PCDHA7: variants seen among roughly 807,000 people sequenced by gnomAD.
PCDHA7 encodes protocadherin alpha 7.
In PCDHA7, 37 loss-of-function variants were observed where a neutral mutation model predicts 57.2. That is an observed-to-expected ratio of 0.65 (90% CI 0.50 to 0.85). PCDHA7 has a LOEUF of 0.85. PCDHA7 is among the 40% of genes least tolerant of loss of function. PCDHA7 has a pLI of 0.00. For missense variants in PCDHA7, 1,188 were observed against 1,241.8 expected (o/e 0.96, Z 0.65); for synonymous variants, 553 against 558.8 (o/e 0.99, Z 0.15).
At chr5:140,902,514 T>C (rs1288692863) in intron 1 of PCDHA7, among the ~76,000 whole-genome samples, 1 of 152,128 alleles carries the variant, frequency 6.6e-6, no homozygotes, top group Non-Finnish European at 1.5e-5. Flanking sequence ...CTGTCATATA[T>C]GGTTTTTATT....
chr5:140,870,229 C>G, intron 1 of PCDHA7: 3 of 1,614,164 alleles, frequency 1.9e-6, no homozygotes, highest in Non-Finnish European at 2.5e-6. Flanking sequence ...CGTGTCTGAC[C>G]GTGACTCAGG....
At chr5:140,924,894 CAAAAA>C (rs782133089) in intron 1 of PCDHA7, among the ~76,000 whole-genome samples, 149 of 71,508 alleles carry the variant, frequency 2.1e-3, no homozygotes, top group African/African-American at 5.7e-3. Context: ...GAACCTGTCT[CAAAAA>C]AAAAAATAAA....
chr5:140,857,805 C>G, intron 1 of PCDHA7: 2 of 1,597,714 alleles, frequency 1.3e-6, no homozygotes, highest in Non-Finnish European at 1.7e-6. Flanking sequence ...TCGGTGGTTG[C>G]GGGTCACGTG....
intron 1 of PCDHA7, among the ~76,000 whole-genome samples, chr5:140,896,506 A>G (rs1231827987): frequency 2.7e-5 from 4 of 150,856 alleles, no homozygotes; most frequent in African/African-American, 9.7e-5. Flanking sequence ...GGGACTGTGC[A>G]GGCACACACC....
At chr5:140,870,289 C>G in intron 1 of PCDHA7, 1 of 1,614,214 alleles carries the variant, frequency 6.2e-7, no homozygotes, top group Non-Finnish European at 8.5e-7. Flanking sequence ...TCCCTTCAAG[C>G]TGGTGTCCAC....
At chr5:140,903,302 T>C (rs1299735621) in intron 1 of PCDHA7, among the ~76,000 whole-genome samples, 2 of 152,136 alleles carry the variant, frequency 1.3e-5, no homozygotes, top group Admixed American at 6.5e-5. Flanking sequence ...AAATTTAGTA[T>C]ACAATAAAGA....
intron 1 of PCDHA7, among the ~76,000 whole-genome samples, chr5:140,878,595 A>G (rs1413193453): frequency 6.6e-6 from 1 of 152,192 alleles, no homozygotes; most frequent in East Asian, 1.9e-4. Flanking sequence ...CCTATTACCA[A>G]GTGAATCTTC....
chr5:140,980,504 C>G (rs1440940887), intron 2 of PCDHA7, among the ~76,000 whole-genome samples: 4 of 152,122 alleles, frequency 2.6e-5, no homozygotes, highest in Non-Finnish European at 5.9e-5. Flanking sequence ...ATGGCATGTG[C>G]CTGTAGTTCC....
At chr5:140,883,324 C>A (rs782213205) in intron 1 of PCDHA7, 1 of 1,614,166 alleles carries the variant, frequency 6.2e-7, no homozygotes, top group Non-Finnish European at 8.5e-7. Context: ...AGGTTACCAT[C>A]ACTTCTTTGT....
intron 1 of PCDHA7, among the ~76,000 whole-genome samples, chr5:140,913,960 TA>T (rs201352444): frequency 2.0e-5 from 3 of 152,168 alleles, no homozygotes; most frequent in Non-Finnish European, 2.9e-5. Context: ...ATATCATTTT[TA>T]AAAAAATATT....
intron 1 of PCDHA7, among the ~76,000 whole-genome samples, chr5:140,926,209 T>C (rs553307318): frequency 1.8e-3 from 269 of 152,150 alleles, no homozygotes; most frequent in African/African-American, 6.3e-3. Flanking sequence ...GGGGGGCTCC[T>C]GTTTCCTTAA....
At chr5:140,862,842 G>T (rs1554157108) in intron 1 of PCDHA7, 2 of 572,864 alleles carry the variant, frequency 3.5e-6, no homozygotes, top group Middle Eastern at 3.7e-4. Context: ...CGGGCATGCC[G>T]CCTCTGAGCA....
rs2150292750 is a variant in PCDHA7, at chr5:140,838,829, G to C, written c.2355+2091G>C. ...TTCAGCTACTCAAGAAACTGAGGTG[G>C]GAGGATCACTTAAGCCAGGGAGGTC... On this transcript the variant is annotated intron_variant, in intron 1 of 3. Coordinates refer to ENST00000525929, the MANE Select transcript of PCDHA7 (RefSeq NM_018910.3). Among the ~76,000 whole-genome samples, 185 of 151,952 alleles carry C rather than the reference G, an allele frequency of 1.2e-3. 4 individuals carry two copies. Among genetic ancestry groups the C allele is most frequent in the African/African-American group, 4.4e-3 (182 of 41,404 alleles).
rs1337537154 is a variant in PCDHA7, at chr5:140,853,299, T to G, written c.2355+16561T>G. 5.1e-6 allele frequency: 5 copies of G among 982,044 alleles called. No homozygotes were observed. In the African/African-American group the frequency reaches 7.1e-5, roughly 14 times the overall value. 60.8% of individuals were successfully genotyped at this position (982,044 alleles called of 1,614,324 possible). The stretch of plus-strand genomic sequence containing the variant: ...ATCATATGCAAATTCTCAGAAGGGC[T>G]GTGAACACCTTAGTAATAAATTTAT... On this transcript the variant is annotated intron_variant, in intron 1 of 3. Coordinates refer to ENST00000525929, the MANE Select transcript of PCDHA7 (RefSeq NM_018910.3).
At position 141,001,385 on chromosome 5, in the gene PCDHA7, T is replaced by A. The variant is rs540420313; in HGVS notation, c.2504-8242T>A. 3.9e-5 allele frequency among the ~76,000 whole-genome samples: 6 copies of A among 152,316 alleles called. No homozygotes were observed. The East Asian group carries it at 1.2e-3, about 29-fold the overall frequency. ...ACTATTCTGATTACAGAGCCTAAGA[T>A]CCTACAGAGAACAGGGAGTATATTT... On this transcript the variant is annotated intron_variant, in intron 3 of 3. Transcript: ENST00000525929.
At chr5:140,864,058 A>C (rs993804326) in intron 1 of PCDHA7, 3 of 152,692 alleles carry the variant, frequency 2.0e-5, no homozygotes, top group Non-Finnish European at 1.5e-5. Context: ...TACAGTCACC[A>C]TGAACATTCT....
intron 1 of PCDHA7, among the ~76,000 whole-genome samples, chr5:140,888,523 T>C (rs1316582829): frequency 6.6e-6 from 1 of 152,244 alleles, no homozygotes; most frequent in African/African-American, 2.4e-5. Flanking sequence ...AGTTCTGACG[T>C]GAAGTTAAGT....
intron 1 of PCDHA7, chr5:140,966,383 C>T: frequency 2.5e-6 from 1 of 405,022 alleles, no homozygotes; most frequent in East Asian, 3.6e-5. Context: ...TCCGGGTTCG[C>T]TGTCCGCCAC....
At chr5:140,854,876 C>A (rs1221945079) in intron 1 of PCDHA7, among the ~76,000 whole-genome samples, 1 of 149,610 alleles carries the variant, frequency 6.7e-6, no homozygotes, top group Non-Finnish European at 1.5e-5. Context: ...AGAACTGTGT[C>A]TTTTGGGCAT....
Sources: allele counts gnomAD v4.1 joint callset (sites outside exome capture counted in the v4.1 genomes callset), GRCh38; gene constraint gnomAD v4.1.1; transcripts MANE v1.5; gene names NCBI Gene and HGNC (gene_info 2026-07-23, HGNC 2026-07-21).